Variants in HIP1 observed in about 807,000 individuals in gnomAD.
HIP1 encodes huntingtin interacting protein 1, also known as huntingtin-interacting protein 1.
HIP1 carries 65 observed loss-of-function variants against 147.6 expected under a neutral mutation model. That is an observed-to-expected ratio of 0.44 (90% CI 0.36 to 0.54). HIP1 has a LOEUF of 0.54. Among genes scored for constraint, HIP1 ranks in the 20% least tolerant of loss-of-function variants. HIP1 has a pLI of 0.00. For missense variants in HIP1, 1,061 were observed against 1,299.6 expected, an observed-to-expected ratio of 0.82 and a Z score of 2.82; for synonymous variants, 479 against 504.0, an observed-to-expected ratio of 0.95 and a Z score of 0.67.
At chr7:75,713,740 AG>A (rs1801227630) in intron 1 of HIP1, among the ~76,000 whole-genome samples, 1 of 148,592 alleles carries the variant, frequency 6.7e-6, no homozygotes, top group South Asian at 2.1e-4. Flanking sequence ...TCTGTTGCCC[AG>A]GCTGGAGTGC....
Position 75,699,118 on chromosome 7 carries a change from GT to G in HIP1, c.120+39682del, listed in dbSNP as rs1209162069. ...AAGTGAATGACAAAAGATTTCATAGGTTTTTTTTTAAGAGATGGGGTCTCTC... is the reference window on the plus strand; with the variant it reads ...AAGTGAATGACAAAAGATTTCATAGGTTTTTTTTAAGAGATGGGGTCTCTC... On this transcript the variant is annotated intron_variant, in intron 1 of 30. Coordinates refer to ENST00000336926, the MANE Select transcript of HIP1 (RefSeq NM_005338.7). 7.3e-5 allele frequency among the ~76,000 whole-genome samples: 11 copies of G among 151,418 alleles called. No homozygotes were observed. The South Asian group carries it at 1.3e-3, about 17-fold the overall frequency.
chr7:75,715,450 GACAC>G (rs142882862), intron 1 of HIP1, among the ~76,000 whole-genome samples: 8 of 138,450 alleles, frequency 5.8e-5, no homozygotes, highest in Non-Finnish European at 9.5e-5. Flanking sequence ...GGGAGAGAGA[GACAC>G]ACACAGAGAG....
intron 2 of HIP1, 121 bp downstream of exon 2, chr7:75,599,063 G>C: frequency 1.4e-6 from 1 of 731,594 alleles, no homozygotes; most frequent in South Asian, 1.5e-5. Context: ...AAGCTGCAGG[G>C]ACCTGGCCTG....
rs1345502910 is a variant in HIP1 at position 75,595,283 on chromosome 7, CCTTT to C, written c.185-2773_185-2770del. On this transcript the variant is annotated intron_variant, in intron 2 of 30. Coordinates refer to ENST00000336926, the MANE Select transcript of HIP1 (RefSeq NM_005338.7). ...TCCTTCCTTCCTTCCTTCCTTCCTTCCTTTCTTTCTTTCTCTCTCTCCCTTCCTT... is the reference window on the plus strand; with the variant it reads ...TCCTTCCTTCCTTCCTTCCTTCCTTCCTTTCTTTCTCTCTCTCCCTTCCTT... Among the ~76,000 whole-genome samples, 233 of 83,236 alleles carry C rather than the reference CCTTT, an allele frequency of 2.8e-3. 1 individual carries two copies. Among genetic ancestry groups the C allele is most frequent in the Non-Finnish European group, 3.5e-3 (162 of 46,510 alleles). The allele number at this position is 83,236 out of a possible 152,430, so 54.6% of individuals were successfully genotyped here.
chr7:75,628,668 G>A (rs587660489), intron 1 of HIP1, among the ~76,000 whole-genome samples: 194 of 152,186 alleles, frequency 1.3e-3, no homozygotes, highest in African/African-American at 3.9e-3. Flanking sequence ...TAGTAGAGAC[G>A]GGGTTTCACC....
intron 1 of HIP1, among the ~76,000 whole-genome samples, chr7:75,639,446 C>T (rs568957382): frequency 2.0e-5 from 3 of 151,780 alleles, no homozygotes; most frequent in Admixed American, 2.0e-4. Flanking sequence ...ATCCCGCGGC[C>T]CCCGGGCTCG....
At chr7:75,687,810 C>T (rs1554517724) in intron 1 of HIP1, among the ~76,000 whole-genome samples, 1 of 152,192 alleles carries the variant, frequency 6.6e-6, no homozygotes, top group Non-Finnish European at 1.5e-5. Flanking sequence ...AGCCTCCTTT[C>T]CATGGTGCCT....
rs180726117 is a variant in HIP1 at position 75,680,240 on chromosome 7, C to T, written c.120+58561G>A. ...TACGTTTTTAGTAGAGACGGGGATT[C>T]GCCATGTTGCCCAGGCTGGTCTTAA... On this transcript the variant is annotated intron_variant, in intron 1 of 30. Coordinates refer to ENST00000336926, the MANE Select transcript of HIP1 (RefSeq NM_005338.7). Among the ~76,000 whole-genome samples, 16 of 152,220 alleles carry T rather than the reference C, an allele frequency of 1.1e-4. No individual in the cohort carries two copies. The East Asian group carries it at 2.9e-3, about 28-fold the overall frequency.
intron 1 of HIP1, among the ~76,000 whole-genome samples, chr7:75,723,993 G>C (rs1801579423): frequency 6.6e-6 from 1 of 151,780 alleles, no homozygotes; most frequent in Non-Finnish European, 1.5e-5. Flanking sequence ...GTCTCGCTCT[G>C]TCACCCATGC....
At chr7:75,611,787 C>T in intron 1 of HIP1, 2 of 1,037,242 alleles carry the variant, frequency 1.9e-6, no homozygotes, top group Middle Eastern at 2.6e-4. Context: ...GCATTGTCCA[C>T]CACTTCCTGA....
intron 2 of HIP1, among the ~76,000 whole-genome samples, chr7:75,595,247 TCTTTCTTCCTTCCTTC>T (rs1273018783): frequency 4.8e-4 from 40 of 82,960 alleles, no homozygotes; most frequent in African/African-American, 1.5e-3. Context: ...TTTCTTTCTT[TCTTTCTTCCTTCCTTC>T]CTTCCTTCCT....
At chr7:75,597,330 G>A (rs1406768564) in intron 2 of HIP1, among the ~76,000 whole-genome samples, 1 of 152,188 alleles carries the variant, frequency 6.6e-6, no homozygotes, top group Non-Finnish European at 1.5e-5. Context: ...TAGGGGTTGA[G>A]GCTAGAAGGC....
At chr7:75,694,505 C>CTTTTT (rs11286111) in intron 1 of HIP1, among the ~76,000 whole-genome samples, 5 of 117,542 alleles carry the variant, frequency 4.3e-5, no homozygotes, top group Admixed American at 9.3e-5. Flanking sequence ...TTCTTTCTTT[C>CTTTTT]TTTTTTTTTT....
chr7:75,707,571 C>G (rs1801041049), intron 1 of HIP1, among the ~76,000 whole-genome samples: 1 of 150,614 alleles, frequency 6.6e-6, no homozygotes, highest in Non-Finnish European at 1.5e-5. Context: ...AATTTTCTCC[C>G]ATGTTGTAGG....
intron 1 of HIP1, among the ~76,000 whole-genome samples, chr7:75,709,548 T>C (rs1554519974): frequency 2.0e-5 from 3 of 152,220 alleles, no homozygotes; most frequent in Non-Finnish European, 4.4e-5. Context: ...CTTTGCTGAA[T>C]TTGCTTATTG....
chr7:75,714,705 G>T (rs569130214), intron 1 of HIP1, among the ~76,000 whole-genome samples: 1 of 150,656 alleles, frequency 6.6e-6, no homozygotes, highest in Non-Finnish European at 1.5e-5. Flanking sequence ...CACCTGCCTC[G>T]GCCTCCCAAA....
intron 1 of HIP1, among the ~76,000 whole-genome samples, chr7:75,713,135 C>T (rs2240139): frequency 6.6e-6 from 1 of 151,976 alleles, no homozygotes; most frequent in Non-Finnish European, 1.5e-5. Flanking sequence ...CTTGGAAGGG[C>T]ACAAAGTGAG....
intron 1 of HIP1, among the ~76,000 whole-genome samples, chr7:75,615,723 G>A (rs1554505847): frequency 2.6e-5 from 4 of 152,002 alleles, no homozygotes; most frequent in African/African-American, 4.8e-5. Flanking sequence ...CAGTTGAGCC[G>A]AGATTGTGCC....
At chr7:75,694,490 T>A (rs1416210808) in intron 1 of HIP1, among the ~76,000 whole-genome samples, 1 of 146,952 alleles carries the variant, frequency 6.8e-6, no homozygotes, top group Non-Finnish European at 1.5e-5. Flanking sequence ...TTTTTTCTTT[T>A]TCTTTTCTTT....
Sources: gnomAD v4.1 joint callset for allele counts (sites outside exome capture counted in the v4.1 genomes callset) on GRCh38, gnomAD v4.1.1 for gene constraint, MANE v1.5 for transcripts, NCBI Gene and HGNC (gene_info 2026-07-23, HGNC 2026-07-21) for gene names.